Variants in SASH1 observed in about 807,000 individuals in gnomAD.
The protein encoded by SASH1 is SAM and SH3 domain containing 1.
Under a neutral mutation model 125.2 loss-of-function variants are expected in SASH1, and 44 were observed. The ratio of observed to expected loss-of-function variants is 0.35; its 90% confidence interval spans 0.28 to 0.45. The LOEUF is 0.45. SASH1 is among the 20% of genes least tolerant of loss of function. The pLI is 1.00. For synonymous variants in SASH1, 639 were observed against 649.1 expected (o/e 0.98, Z 0.24); for missense variants, 1,426 against 1,614.5 (o/e 0.88, Z 2.00).
intron 5 of SASH1, among the ~76,000 whole-genome samples, chr6:148,471,142 A>T (rs2115123450): frequency 6.6e-6 from 1 of 152,044 alleles, no homozygotes; most frequent in Non-Finnish European, 1.5e-5. Context: ...AAGTAAACAC[A>T]AGAATGCATG....
chr6:148,237,488 T>C, the SASH1 span: 2 of 152,256 alleles, frequency 1.3e-5, no homozygotes, highest in African/African-American at 2.4e-5. Context: ...GGGTTTATGA[T>C]GGATTTCATT....
At chr6:148,425,719 TCTC>T (rs1562400330) in intron 2 of SASH1, among the ~76,000 whole-genome samples, 2 of 17,966 alleles carry the variant, frequency 1.1e-4, no homozygotes, top group Non-Finnish European at 2.0e-4. Context: ...CCCATCCCCC[TCTC>T]CCTTCCCCTC....
chr6:148,526,974 A>T (rs1156714147), intron 11 of SASH1, among the ~76,000 whole-genome samples: 1 of 150,482 alleles, frequency 6.6e-6, no homozygotes, highest in Non-Finnish European at 1.5e-5. Flanking sequence ...CCGGATTCAC[A>T]CCATTCTCCT....
At chr6:148,393,718 G>C (rs936260705) in intron 2 of SASH1, 14 of 985,378 alleles carry the variant, frequency 1.4e-5, no homozygotes, top group Non-Finnish European at 1.6e-5. Context: ...AGTCTGGGGG[G>C]AGAAAACACC....
upstream of SASH1, among the ~76,000 whole-genome samples, chr6:148,271,457 A>G (rs1362518333): frequency 6.6e-6 from 1 of 152,250 alleles, no homozygotes; most frequent in Non-Finnish European, 1.5e-5. Context: ...TGATGTTACC[A>G]ACACCTAAAC....
chr6:148,544,881 G>A lies in SASH1; in HGVS notation c.3348+63G>A, dbSNP rs1472912197. On this transcript the variant is annotated intron_variant, in intron 18 of 19. Transcript: ENST00000367467. This position sits in a 1 kb window ranked among gnomAD's most constrained non-coding sequence, Gnocchi z 6.4. ...TTGTTTGTAGAAGTCAGGCAGCCAGGTGAGATGAACCCACATCTGAAGCCA... is the reference window on the plus strand; with the variant it reads ...TTGTTTGTAGAAGTCAGGCAGCCAGATGAGATGAACCCACATCTGAAGCCA... 3 of 1,471,028 alleles carry A rather than the reference G, an allele frequency of 2.0e-6. No individual in the cohort carries two copies. Among genetic ancestry groups the A allele is most frequent in the Non-Finnish European group, 2.7e-6 (3 of 1,105,416 alleles). The allele number at this position is 1,471,028 out of a possible 1,614,324, so 91.1% of individuals were successfully genotyped here. A position where few individuals can be genotyped will look rare whatever the true frequency, so the allele number is the denominator to read the frequency against.
chr6:148,371,173 A>G (rs1221287854), intron 1 of SASH1, among the ~76,000 whole-genome samples: 1 of 152,196 alleles, frequency 6.6e-6, no homozygotes, highest in Non-Finnish European at 1.5e-5. Context: ...GAAGAGACCA[A>G]TGTCACTGGG....
At chr6:148,196,083 C>T in the SASH1 span, among the ~76,000 whole-genome samples, 1 of 152,314 alleles carries the variant, frequency 6.6e-6, no homozygotes, top group East Asian at 1.9e-4. Flanking sequence ...TCTCAGCCTT[C>T]TCCACCAGGA....
At chr6:148,249,167 C>T in the SASH1 span, among the ~76,000 whole-genome samples, 1 of 152,184 alleles carries the variant, frequency 6.6e-6, no homozygotes, top group East Asian at 1.9e-4. Flanking sequence ...AATAAATTTA[C>T]ATTTTTTACT....
At chr6:148,528,759 C>T (rs139497612) in intron 12 of SASH1, among the ~76,000 whole-genome samples, 29 of 152,288 alleles carry the variant, frequency 1.9e-4, no homozygotes, top group East Asian at 5.8e-4. Context: ...AATTTTTCCA[C>T]GGAGCTGGTG....
chr6:148,522,025 GTGT>G (rs1780846201), intron 10 of SASH1, among the ~76,000 whole-genome samples: 1 of 152,218 alleles, frequency 6.6e-6, no homozygotes, highest in African/African-American at 2.4e-5. Context: ...GTGCTAGTTA[GTGT>G]TGTAGGCCAG....
At chr6:148,364,891 G>A (rs550520792) in intron 1 of SASH1, among the ~76,000 whole-genome samples, 2 of 152,278 alleles carry the variant, frequency 1.3e-5, no homozygotes, top group South Asian at 4.1e-4. Flanking sequence ...GGGAGGCTTA[G>A]GAAGACAGAT....
chr6:148,196,005 TTAA>T, the SASH1 span, among the ~76,000 whole-genome samples: 1 of 152,304 alleles, frequency 6.6e-6, no homozygotes, highest in East Asian at 1.9e-4. Flanking sequence ...TGCTCTCTGG[TTAA>T]TGAGTGGGCT....
At chr6:148,540,296 G>C in intron 16 of SASH1, 147 bp from the exon 17 acceptor site, 1 of 626,484 alleles carries the variant, frequency 1.6e-6, no homozygotes, top group Non-Finnish European at 2.8e-6. Context: ...GATCACACTA[G>C]TTCATTTTGA....
At chr6:148,326,378 T>A (rs1187735143) in intron 1 of SASH1, among the ~76,000 whole-genome samples, 11 of 37,724 alleles carry the variant, frequency 2.9e-4, no homozygotes, top group Non-Finnish European at 4.3e-4. Flanking sequence ...ATATATACAT[T>A]CTTTTCTTTT....
In SASH1 at chr6:148,533,875, C is replaced by G. The variant is rs1490946724; in HGVS notation, c.1839C>G (p.Leu613=). The change falls in exon 15 of 20, where the codon CTC becomes CTG. Residue 613 remains leucine (L), a synonymous_variant. Coordinates refer to ENST00000367467, the MANE Select transcript of SASH1 (RefSeq NM_015278.5). This position sits in a 1 kb window ranked among gnomAD's most constrained non-coding sequence, Gnocchi z 6.2. ...TCAAGTTCATCTACGTGGACGTGCTCAGTGAAGACGAGGAGAAACCCAAAC... is the reference window on the plus strand; with the variant it reads ...TCAAGTTCATCTACGTGGACGTGCTGAGTGAAGACGAGGAGAAACCCAAAC... ...GTFKFIYVDV[L]SEDEEKPKRP... 1.9e-6 allele frequency: 3 copies of G among 1,614,030 alleles called. No homozygotes were observed. In the East Asian group the frequency reaches 6.7e-5, roughly 36 times the overall value.
chr6:148,471,033 C>G (rs1267455059), intron 5 of SASH1, among the ~76,000 whole-genome samples: 3 of 151,996 alleles, frequency 2.0e-5, no homozygotes, highest in Admixed American at 1.3e-4. Flanking sequence ...TTAAAATACC[C>G]TATTTGTGGT....
intron 1 of SASH1, among the ~76,000 whole-genome samples, chr6:148,325,623 G>A (rs1014981794): frequency 1.3e-5 from 2 of 151,948 alleles, no homozygotes; most frequent in Admixed American, 1.3e-4. Context: ...TCACCATCAC[G>A]AGAATAGCAC....
the SASH1 span, among the ~76,000 whole-genome samples, chr6:148,198,057 C>T: frequency 2.0e-4 from 30 of 152,186 alleles, no homozygotes; most frequent in Non-Finnish European, 4.3e-4. Context: ...ACCAAGTTGG[C>T]CAAGCTGGTC....
Sources: gnomAD v4.1 joint callset for allele counts (sites outside exome capture counted in the v4.1 genomes callset) on GRCh38, gnomAD v4.1.1 for gene constraint, Gnocchi (gnomAD v3.1) non-coding constraint, MANE v1.5 for transcripts, NCBI Gene and HGNC (gene_info 2026-07-23, HGNC 2026-07-21) for gene names.